KHDRBS2: variants seen among roughly 807,000 people sequenced by gnomAD.
KHDRBS2 encodes the protein KH RNA binding domain containing, signal transduction associated 2, also known as KH domain-containing, RNA-binding, signal transduction-associated protein 2.
In KHDRBS2, 26 loss-of-function variants were observed where a neutral mutation model predicts 44.3. That is an observed-to-expected ratio of 0.59 (90% CI 0.43 to 0.81). The LOEUF (loss-of-function observed/expected upper bound fraction) is 0.81, where lower values mean the gene tolerates loss of function less well. Ranked by LOEUF, KHDRBS2 falls within the 40% of genes least tolerant of loss-of-function variation. KHDRBS2 has a pLI of 0.00. For missense variants in KHDRBS2, 476 were observed against 433.1 expected (o/e 1.10, Z -0.88); for synonymous variants, 194 against 151.1 (o/e 1.28, Z -2.08).
At chr6:61,749,652 C>T (rs2127568012) in intron 6 of KHDRBS2, among the ~76,000 whole-genome samples, 1 of 152,218 alleles carries the variant, frequency 6.6e-6, no homozygotes, top group Admixed American at 6.5e-5. Flanking sequence ...GCTTGGATGA[C>T]ATTTTCTATA....
chr6:61,796,769 C>G (rs1465238473), intron 6 of KHDRBS2, among the ~76,000 whole-genome samples: 1 of 152,070 alleles, frequency 6.6e-6, no homozygotes, highest in African/African-American at 2.4e-5. Flanking sequence ...TTGATTCTGA[C>G]AGACATTTAA....
chr6:62,036,879 T>C (rs1299265556), intron 3 of KHDRBS2, among the ~76,000 whole-genome samples: 1 of 152,002 alleles, frequency 6.6e-6, no homozygotes, highest in Non-Finnish European at 1.5e-5. Context: ...TAAGATTGCA[T>C]AAACTAACTT....
intron 3 of KHDRBS2, among the ~76,000 whole-genome samples, chr6:61,983,268 A>G (rs1267876452): frequency 9.1e-5 from 5 of 55,194 alleles, no homozygotes; most frequent in Non-Finnish European, 1.7e-4. Context: ...ATAGTGACTA[A>G]GTCTCACTAT....
At chr6:61,693,155 G>C (rs1394572843) in intron 8 of KHDRBS2, among the ~76,000 whole-genome samples, 1 of 152,010 alleles carries the variant, frequency 6.6e-6, no homozygotes, top group Non-Finnish European at 1.5e-5. Context: ...GTAAAGTATG[G>C]ACAATTAATA....
intron 4 of KHDRBS2, among the ~76,000 whole-genome samples, chr6:61,959,822 C>G (rs1295935700): frequency 6.6e-6 from 1 of 152,240 alleles, no homozygotes; most frequent in Admixed American, 6.6e-5. Context: ...AATCTTAGCT[C>G]TACAATAAGA....
At chr6:61,963,013 T>C (rs1769101933) in intron 4 of KHDRBS2, among the ~76,000 whole-genome samples, 1 of 152,038 alleles carries the variant, frequency 6.6e-6, no homozygotes, top group South Asian at 2.1e-4. Context: ...TGTTTTTATT[T>C]CTCACACTGA....
chr6:62,263,615 A>G (rs1177620120), intron 1 of KHDRBS2, among the ~76,000 whole-genome samples: 6 of 151,772 alleles, frequency 4.0e-5, no homozygotes, highest in Non-Finnish European at 7.4e-5. Flanking sequence ...TAACTTTGTA[A>G]CAGGAAAATC....
rs370532823 is a variant in KHDRBS2 at position 62,285,841 on chromosome 6, G to A, written c.91+17C>T. The A allele has an allele frequency of 6.3e-7, 1 of 1,596,518 alleles. No individual in the cohort carries two copies. The highest frequency in any genetic ancestry group is 1.3e-5 in the African/African-American group (1 of 74,120). On this transcript the variant is annotated intron_variant, in intron 1 of 8. Coordinates refer to ENST00000281156, the MANE Select transcript of KHDRBS2 (RefSeq NM_152688.4). Reference sequence around the variant, plus strand: ...GGCAGCCGGCGGTTTGTGCCCATCTGTGGGGGCAAGTCCTACCTTCTGCCA... The same window carrying A: ...GGCAGCCGGCGGTTTGTGCCCATCTATGGGGGCAAGTCCTACCTTCTGCCA...
At chr6:62,064,942 A>C (rs1361357497) in intron 2 of KHDRBS2, among the ~76,000 whole-genome samples, 2 of 151,800 alleles carry the variant, frequency 1.3e-5, no homozygotes, top group Non-Finnish European at 2.9e-5. Context: ...CAAGAAAAAA[A>C]CAAACAACCC....
At chr6:62,135,287 C>G (rs553249282) in intron 2 of KHDRBS2, among the ~76,000 whole-genome samples, 3 of 152,248 alleles carry the variant, frequency 2.0e-5, no homozygotes, top group Non-Finnish European at 4.4e-5. Flanking sequence ...TCTCTCTTTG[C>G]CTGCTGTCAT....
intron 6 of KHDRBS2, among the ~76,000 whole-genome samples, chr6:61,773,109 ATG>A (rs1159020882): frequency 6.6e-6 from 1 of 152,148 alleles, no homozygotes; most frequent in Non-Finnish European, 1.5e-5. Flanking sequence ...ATACGTGTGC[ATG>A]TGTCTTTATA....
At chr6:61,683,989 C>T (rs1213970727) in intron 8 of KHDRBS2, among the ~76,000 whole-genome samples, 1 of 151,938 alleles carries the variant, frequency 6.6e-6, no homozygotes, top group Non-Finnish European at 1.5e-5. Flanking sequence ...TCAGACCTTG[C>T]TTCCATTGTT....
chr6:62,039,411 G>A (rs1253024984), intron 3 of KHDRBS2, among the ~76,000 whole-genome samples: 1 of 151,030 alleles, frequency 6.6e-6, no homozygotes, highest in Non-Finnish European at 1.5e-5. Context: ...TGTATGTATG[G>A]AGAGAGAGAT....
chr6:61,987,004 G>A (rs989214737), intron 3 of KHDRBS2, among the ~76,000 whole-genome samples: 2 of 152,088 alleles, frequency 1.3e-5, no homozygotes, highest in African/African-American at 4.8e-5. Context: ...AGACTGTAAG[G>A]TTATTATCTA....
At chr6:61,903,852 C>T (rs965726713) in intron 4 of KHDRBS2, among the ~76,000 whole-genome samples, 1 of 152,158 alleles carries the variant, frequency 6.6e-6, no homozygotes, top group Non-Finnish European at 1.5e-5. Flanking sequence ...CATCCCTGCT[C>T]TCCCTGCCAT....
chr6:61,971,785 T>G (rs1395535485), intron 4 of KHDRBS2, among the ~76,000 whole-genome samples: 1 of 152,144 alleles, frequency 6.6e-6, no homozygotes, highest in African/African-American at 2.4e-5. Flanking sequence ...CCTGCTCTAT[T>G]GTTGCCACCA....
chr6:61,814,361 C>T (rs1343561581), intron 6 of KHDRBS2, among the ~76,000 whole-genome samples: 1 of 152,080 alleles, frequency 6.6e-6, no homozygotes, highest in Non-Finnish European at 1.5e-5. Flanking sequence ...CCTGAAATCC[C>T]AGTTTGGGAG....
At chr6:62,079,182 C>T (rs1285593754) in intron 2 of KHDRBS2, among the ~76,000 whole-genome samples, 1 of 151,938 alleles carries the variant, frequency 6.6e-6, no homozygotes, top group East Asian at 1.9e-4. Context: ...TAAGGAAATG[C>T]TTTTCATTAT....
intron 2 of KHDRBS2, among the ~76,000 whole-genome samples, chr6:62,167,681 C>T (rs1433211493): frequency 6.6e-6 from 1 of 152,110 alleles, no homozygotes; most frequent in Non-Finnish European, 1.5e-5. Flanking sequence ...TCCTCTCTTC[C>T]ATTTACTTTA....
Sources: allele counts gnomAD v4.1 joint callset (sites outside exome capture counted in the v4.1 genomes callset), GRCh38; gene constraint gnomAD v4.1.1; transcripts MANE v1.5; gene names NCBI Gene and HGNC (gene_info 2026-07-23, HGNC 2026-07-21).